GALNT5: variants seen among roughly 807,000 people sequenced by gnomAD.
The protein encoded by GALNT5 is polypeptide N-acetylgalactosaminyltransferase 5.
In GALNT5, 72 loss-of-function variants were observed where a neutral mutation model predicts 85.4. The observed-to-expected ratio is 0.84, with a 90% confidence interval of 0.70 to 1.03. The LOEUF is 1.03. GALNT5 is among the 50% of genes least tolerant of loss of function. GALNT5 has a pLI of 0.00. For synonymous variants in GALNT5, 404 were observed against 397.0 expected, an observed-to-expected ratio of 1.02 and a Z score of -0.21; for missense variants, 1,137 against 1,135.5, an observed-to-expected ratio of 1.00 and a Z score of -0.02.
intron 1 of GALNT5, among the ~76,000 whole-genome samples, chr2:157,280,768 G>T (rs1300054387): frequency 6.6e-6 from 1 of 152,180 alleles, no homozygotes; most frequent in Non-Finnish European, 1.5e-5. Flanking sequence ...CACGGAGGCA[G>T]ATCTATAATG....
chr2:157,269,452 T>C (rs1250982355), intron 1 of GALNT5, among the ~76,000 whole-genome samples: 1 of 152,206 alleles, frequency 6.6e-6, no homozygotes, highest in East Asian at 1.9e-4. Context: ...CTGTACCATA[T>C]AATCTTCCAC....
intron 1 of GALNT5, among the ~76,000 whole-genome samples, chr2:157,273,465 T>C (rs147411437): frequency 3.9e-5 from 6 of 152,130 alleles, no homozygotes; most frequent in African/African-American, 7.2e-5. Flanking sequence ...ATTAACACTT[T>C]CGTGGACTTC....
intron 1 of GALNT5, among the ~76,000 whole-genome samples, chr2:157,280,408 A>AT (rs1371340860): frequency 1.3e-5 from 2 of 152,190 alleles, no homozygotes; most frequent in Non-Finnish European, 2.9e-5. Context: ...TGAGTGATTC[A>AT]ACAAGTCAAA....
chr2:157,273,523 A>T (rs1682641287), intron 1 of GALNT5, among the ~76,000 whole-genome samples: 1 of 151,866 alleles, frequency 6.6e-6, no homozygotes, highest in Non-Finnish European at 1.5e-5. Context: ...TTTAGGGAAA[A>T]AAAAACAGCA....
In GALNT5 at chr2:157,308,595, G is replaced by C; in HGVS notation, c.2549G>C (p.Arg850Thr). 1 of 1,613,340 alleles carries C rather than the reference G, an allele frequency of 6.2e-7. No homozygotes were observed. The highest frequency in any genetic ancestry group is 8.5e-7 in the Non-Finnish European group (1 of 1,179,700). Residue 850 changes from arginine to threonine, a missense_variant, in exon 9 of 10, where the codon AGA becomes ACA. By Grantham distance (71) the Arg-to-Thr change is moderately conservative. Coordinates refer to ENST00000259056, the MANE Select transcript of GALNT5 (RefSeq NM_014568.3). ...CAACAATTTAATTACACCTGGTTAAGACTTATTAAATGTGGAGAATGGTGT... is the reference window on the plus strand; with the variant it reads ...CAACAATTTAATTACACCTGGTTAACACTTATTAAATGTGGAGAATGGTGT... Reference protein sequence around the residue: ...ELQQFNYTWLRLIKCGEWCIA... With the variant: ...ELQQFNYTWLTLIKCGEWCIA...
chr2:157,305,708 T>C (rs1395260847), intron 7 of GALNT5, 41 bp from the exon 8 acceptor site: 2 of 1,126,532 alleles, frequency 1.8e-6, no homozygotes, highest in Non-Finnish European at 2.7e-6. Flanking sequence ...TGTTTTACTT[T>C]AAAATATTTT....
chr2:157,289,272 G>T (rs554312331), intron 3 of GALNT5, among the ~76,000 whole-genome samples: 1 of 152,254 alleles, frequency 6.6e-6, no homozygotes, highest in South Asian at 2.1e-4. Flanking sequence ...AGTGCTTGCA[G>T]TTAACATCCA....
chr2:157,260,716 G>C (rs1682318207), intron 1 of GALNT5, among the ~76,000 whole-genome samples: 1 of 152,202 alleles, frequency 6.6e-6, no homozygotes, highest in South Asian at 2.1e-4. Flanking sequence ...GTTACTAGGA[G>C]GAAGGCAGAT....
chr2:157,304,412 G>C (rs1289515569), intron 7 of GALNT5, among the ~76,000 whole-genome samples: 1 of 152,194 alleles, frequency 6.6e-6, no homozygotes, highest in African/African-American at 2.4e-5. Context: ...TTTAATGTTT[G>C]TTTCTATGCC....
In GALNT5 at chr2:157,284,291, G is replaced by A; in HGVS notation, c.1464G>A (p.Glu488=). The A allele has an allele frequency of 6.2e-7, 1 of 1,613,686 alleles. No homozygotes were observed. The highest frequency in any genetic ancestry group is 1.1e-5 in the South Asian group (1 of 91,068). Residue 488 remains glutamate, a synonymous_variant, in exon 2 of 10, where the codon GAG becomes GAA. Transcript: ENST00000259056. ...IEDTRPAGCA[E]QLVHNNLPTT... Reference sequence around the variant, plus strand: ...TTATATTCTGGCCCAGATGTGCAGAGCAGCTAGTTCACAATAACCTCCCAA... The same window carrying A: ...TTATATTCTGGCCCAGATGTGCAGAACAGCTAGTTCACAATAACCTCCCAA...
Position 157,259,319 on chromosome 2 carries a change from C to A in GALNT5, c.1237C>A (p.Leu413Ile). 6.3e-7 allele frequency: 1 copy of A among 1,584,350 alleles called. No homozygotes were observed. The highest frequency in any genetic ancestry group is 1.7e-4 in the Middle Eastern group (1 of 5,920). The change falls in exon 1 of 10, where the codon CTT becomes ATT. Residue 413 changes from leucine to isoleucine, a missense_variant. Physicochemically the swap from Leu to Ile is conservative, Grantham distance 5. Coordinates refer to ENST00000259056, the MANE Select transcript of GALNT5 (RefSeq NM_014568.3). ...TEYNQSHIKA[L>I]LPEDSGTHQV... is the part of the protein sequence containing the mutation. Reference sequence around the variant, plus strand: ...ATACAACCAGAGTCATATAAAAGCCCTTTTACCTGAAGACAGTGGAACGCA... The same window carrying A: ...ATACAACCAGAGTCATATAAAAGCCATTTTACCTGAAGACAGTGGAACGCA...
rs1426127887 is a variant in GALNT5 at position 157,311,948 on chromosome 2, G to C, written c.*600G>C. On this transcript the variant is annotated 3_prime_UTR_variant, in exon 10 of 10. Coordinates refer to ENST00000259056, the MANE Select transcript of GALNT5 (RefSeq NM_014568.3). ...GCATTTTGATCTAAATTACATAATG[G>C]TTTTTCCCAATCTGAATCAGTGGAA... The C allele has an allele frequency of 6.6e-6, 1 of 152,042 alleles. No individual in the cohort carries two copies. Among genetic ancestry groups the C allele is most frequent in the Non-Finnish European group, 1.5e-5 (1 of 67,976 alleles). 9.4% of individuals were successfully genotyped at this position (152,042 alleles called of 1,614,324 possible).
Position 157,311,533 on chromosome 2 carries a change from G to T in GALNT5, c.*185G>T, listed in dbSNP as rs777585354. 1 of 498,606 alleles carries T rather than the reference G, an allele frequency of 2.0e-6. No individual in the cohort carries two copies. Among genetic ancestry groups the T allele is most frequent in the Non-Finnish European group, 3.5e-6 (1 of 288,848 alleles). 30.9% of individuals were successfully genotyped at this position (498,606 alleles called of 1,614,324 possible). On this transcript the variant is annotated 3_prime_UTR_variant, in exon 10 of 10. Transcript: ENST00000259056. ...GACTCAGGAAAACAGTCCAACATTG[G>T]ACTGAAGTCCTTCTTCGGAACTGGG...
At chr2:157,306,134 AC>A (rs1407930483) in intron 8 of GALNT5, among the ~76,000 whole-genome samples, 1 of 152,188 alleles carries the variant, frequency 6.6e-6, no homozygotes, top group Non-Finnish European at 1.5e-5. Context: ...TACTTTTAGA[AC>A]TGGTGTGAGG....
Position 157,300,979 on chromosome 2 carries a change from A to G in GALNT5, c.2419A>G (p.Ile807Val), listed in dbSNP as rs763038987. ...TGTCTTTCCTGACTTAAGGGCTCCCATTGTGAGAGCTAGTGGTGTGGTAAG... is the reference window on the plus strand; with the variant it reads ...TGTCTTTCCTGACTTAAGGGCTCCCGTTGTGAGAGCTAGTGGTGTGGTAAG... ...ENVFPDLRAP[I>V]VRASGVLINV... The change falls in exon 7 of 10, where the codon ATT becomes GTT. Residue 807 changes from isoleucine (I) to valine (V), a missense_variant. Transcript: ENST00000259056. 27 of 1,613,344 alleles carry G rather than the reference A, an allele frequency of 1.7e-5. No individual in the cohort carries two copies. Among genetic ancestry groups the G allele is most frequent in the Admixed American group, 3.3e-5 (2 of 60,004 alleles).
At chr2:157,268,401 G>A (rs77087273) in intron 1 of GALNT5, among the ~76,000 whole-genome samples, 4,690 of 152,250 alleles carry the variant, frequency 0.031, 242 homozygotes, top group African/African-American at 0.1. Context: ...GAAAAAGGCA[G>A]TGTGCTCCCT....
chr2:157,263,654 A>G lies in GALNT5; in HGVS notation c.1454+4118A>G, dbSNP rs79877536. On this transcript the variant is annotated intron_variant, in intron 1 of 9. Coordinates refer to ENST00000259056, the MANE Select transcript of GALNT5 (RefSeq NM_014568.3). Reference sequence around the variant, plus strand: ...ACTGATCACAGTGCTGTACATTCAGAAGCAACAGGTTTACACAGTATGAAT... The same window carrying G: ...ACTGATCACAGTGCTGTACATTCAGGAGCAACAGGTTTACACAGTATGAAT... Among the ~76,000 whole-genome samples, 633 of 152,348 alleles carry G rather than the reference A, an allele frequency of 4.2e-3. 2 individuals are homozygous for G. The highest frequency in any genetic ancestry group is 5.1e-3 in the Non-Finnish European group (345 of 68,028).
chr2:157,292,024 A>G (rs1175415454), intron 3 of GALNT5, among the ~76,000 whole-genome samples: 2 of 152,204 alleles, frequency 1.3e-5, no homozygotes, highest in African/African-American at 4.8e-5. Flanking sequence ...ATTATGTGTC[A>G]TTTAAAAATT....
At chr2:157,272,004 T>C (rs1055629804) in intron 1 of GALNT5, among the ~76,000 whole-genome samples, 5 of 152,130 alleles carry the variant, frequency 3.3e-5, no homozygotes, top group African/African-American at 7.2e-5. Context: ...CAGTGAATGA[T>C]GGGTGAAAAC....
Sources: gnomAD v4.1 joint callset for allele counts (sites outside exome capture counted in the v4.1 genomes callset) on GRCh38, gnomAD v4.1.1 for gene constraint, MANE v1.5 for transcripts, NCBI Gene and HGNC (gene_info 2026-07-23, HGNC 2026-07-21) for gene names.